Variants in NBEAL1 observed in about 807,000 individuals in gnomAD.
The protein encoded by NBEAL1 is neurobeachin like 1.
A neutral mutation model predicts 351.3 loss-of-function variants in NBEAL1; 273 were observed. The observed-to-expected ratio is 0.78, with a 90% CI of 0.70 to 0.86. The LOEUF is 0.86. Ranked by LOEUF, NBEAL1 falls within the 40% of genes least tolerant of loss-of-function variation. NBEAL1 has a pLI of 0.00. For missense variants in NBEAL1, 2,961 were observed against 3,201.3 expected, an observed-to-expected ratio of 0.92 and a Z score of 1.81; for synonymous variants, 1,050 against 1,086.4, an observed-to-expected ratio of 0.97 and a Z score of 0.66.
At chr2:203,033,541 A>G (rs1385030712) in intron 2 of NBEAL1, among the ~76,000 whole-genome samples, 1 of 152,210 alleles carries the variant, frequency 6.6e-6, no homozygotes, top group East Asian at 1.9e-4. Flanking sequence ...TTCTTCTGCA[A>G]ATCTTTCTAG....
At chr2:203,015,609 C>A (rs1032040725) in intron 1 of NBEAL1, among the ~76,000 whole-genome samples, 1 of 151,976 alleles carries the variant, frequency 6.6e-6, no homozygotes, top group Non-Finnish European at 1.5e-5. Context: ...TACAGGTGCC[C>A]GCCACCACGC....
intron 4 of NBEAL1, among the ~76,000 whole-genome samples, chr2:203,051,330 G>A (rs2061319848): frequency 6.6e-6 from 1 of 152,060 alleles, no homozygotes; most frequent in African/African-American, 2.4e-5. Context: ...ATCGCTTGAG[G>A]TCAGGAGTTT....
At chr2:203,128,004 G>C in intron 24 of NBEAL1, 67 bp downstream of exon 24, 1 of 1,171,656 alleles carries the variant, frequency 8.5e-7, no homozygotes, top group Non-Finnish European at 1.2e-6. Flanking sequence ...TCTTCTGAAC[G>C]TATGTTTGTG....
chr2:203,201,457 C>A (rs1175261457), intron 49 of NBEAL1, 86 bp from the exon 50 acceptor site: 2 of 1,167,088 alleles, frequency 1.7e-6, no homozygotes, highest in African/African-American at 3.1e-5. Context: ...TTTTTTATTT[C>A]TTTTTTAGAG....
At chr2:203,041,885 T>C in intron 3 of NBEAL1, 29 bp downstream of exon 3, 2 of 1,437,224 alleles carry the variant, frequency 1.4e-6, no homozygotes, top group Non-Finnish European at 1.9e-6. Context: ...TTGTAACCCC[T>C]GGATGAGTTT....
intron 35 of NBEAL1, among the ~76,000 whole-genome samples, chr2:203,154,256 C>T (rs891682020): frequency 6.6e-6 from 1 of 150,670 alleles, no homozygotes; most frequent in African/African-American, 2.4e-5. Context: ...AAAAAAATTA[C>T]TCCAAGTGTA....
intron 29 of NBEAL1, 61 bp downstream of exon 29, chr2:203,136,835 C>A: frequency 7.2e-7 from 1 of 1,398,204 alleles, no homozygotes; most frequent in Non-Finnish European, 9.9e-7. Context: ...TCTAAAATAA[C>A]GTTAGTTATT....
Position 203,031,686 on chromosome 2 carries a change from A to G in NBEAL1, c.52-10079A>G, listed in dbSNP as rs553909394. 5.9e-5 allele frequency among the ~76,000 whole-genome samples: 9 copies of G among 152,346 alleles called. No homozygotes were observed. The South Asian group carries it at 1.9e-3, about 32-fold the overall frequency. ...GGCAGTTTTGAAAAAGAAATAGACT[A>G]TCTTGAAATGGGGGAAAAATTGGAA... On this transcript the variant is annotated intron_variant, in intron 2 of 55. Transcript: ENST00000683969.
rs190827076 is a variant in NBEAL1, at chr2:203,056,028, A to T, written c.306-399A>T. Among the ~76,000 whole-genome samples, 8 of 152,374 alleles carry T rather than the reference A, an allele frequency of 5.3e-5. No individual in the cohort carries two copies. The East Asian group carries it at 1.5e-3, about 29-fold the overall frequency. On this transcript the variant is annotated intron_variant, in intron 4 of 55. Transcript: ENST00000683969. ...GTGCACATGTTATAATGAAAACAGT[A>T]TGTACAAAAAAGAAAACTAAGAATC...
intron 17 of NBEAL1, 72 bp downstream of exon 17, chr2:203,113,390 T>G: frequency 1.3e-6 from 1 of 794,250 alleles, no homozygotes; most frequent in Non-Finnish European, 1.7e-6. Context: ...TTCTGAAGAA[T>G]ATATTTAGAA....
intron 24 of NBEAL1, among the ~76,000 whole-genome samples, chr2:203,129,138 G>A (rs2106292179): frequency 6.6e-6 from 1 of 152,224 alleles, no homozygotes; most frequent in African/African-American, 2.4e-5. Flanking sequence ...GGTAAAATTT[G>A]AGAACCACTG....
At chr2:203,088,938 G>T (rs1029144732) in intron 10 of NBEAL1, among the ~76,000 whole-genome samples, 2 of 152,172 alleles carry the variant, frequency 1.3e-5, no homozygotes, top group African/African-American at 4.8e-5. Context: ...ATGTGTGTGG[G>T]TGTATAGGTT....
chr2:203,127,936 A>G lies in NBEAL1; in HGVS notation c.3404A>G (p.Gln1135Arg), dbSNP rs752159057. 7.8e-6 allele frequency: 12 copies of G among 1,546,930 alleles called. No individual in the cohort carries two copies. Among genetic ancestry groups the G allele is most frequent in the Non-Finnish European group, 1.0e-5 (12 of 1,143,370 alleles). Residue 1135 changes from glutamine (Q) to arginine (R), a missense_variant and splice_region_variant, in exon 24 of 56, where the codon CAG (glutamine) becomes CGG (arginine). By Grantham distance (43) the Gln-to-Arg change is conservative. Transcript: ENST00000683969. ...ATAGCTGCTACTAATGAAGAAGAAC[A>G]GGTATTATGCCTAAGATACATCTAC... is the stretch of plus-strand genomic sequence containing the variant. Reference protein sequence around the residue: ...GYIAATNEEEQLFGILDVLFS... With the variant: ...GYIAATNEEERLFGILDVLFS...
At chr2:203,021,526 T>C (rs1357678492) in intron 2 of NBEAL1, among the ~76,000 whole-genome samples, 1 of 151,460 alleles carries the variant, frequency 6.6e-6, no homozygotes, top group Non-Finnish European at 1.5e-5. Context: ...ACCCGGGAAG[T>C]GTAGGTTGCA....
intron 48 of NBEAL1, among the ~76,000 whole-genome samples, chr2:203,198,679 T>C (rs1423017784): frequency 1.3e-5 from 2 of 151,068 alleles, no homozygotes; most frequent in East Asian, 2.0e-4. Flanking sequence ...CTGGGCAACA[T>C]GGCAAAACCC....
chr2:203,145,032 T>C lies in NBEAL1; in HGVS notation c.5176T>C (p.Tyr1726His). The C allele has an allele frequency of 6.2e-7, 1 of 1,604,886 alleles. No homozygotes were observed. Residue 1726 changes from tyrosine (Y) to histidine (H), a missense_variant, in exon 33 of 56, where the codon TAT becomes CAT. Tyr to His is a moderately conservative substitution (Grantham distance 83). Coordinates refer to ENST00000683969, the MANE Select transcript of NBEAL1 (RefSeq NM_001378026.1). ...EKYIVPYMKQ[Y>H]EAHTFYDGHE... is the part of the protein sequence containing the mutation. ...TAAGATTGTACCTTATATGAAGCAG[T>C]ATGAAGCTCATACATTTTACGATGG...
chr2:203,136,562 C>T (rs1417619272), intron 28 of NBEAL1, 37 bp from the exon 29 acceptor site: 30 of 1,426,806 alleles, frequency 2.1e-5, no homozygotes, highest in Non-Finnish European at 2.8e-5. Flanking sequence ...ACAACTACAC[C>T]CTCTAGTTAT....
rs370680548 is a variant in NBEAL1, at chr2:203,148,959, T to A, written c.5305-32T>A. The A allele has an allele frequency of 3.2e-6, 5 of 1,577,524 alleles. No homozygotes were observed. In the African/African-American group the frequency reaches 6.8e-5, roughly 21 times the overall value. ...GTAAATATACCTGTAAATATATGAG[T>A]CAATGACCTTACTTTTTATTGTTTC... is the stretch of plus-strand genomic sequence containing the variant. On this transcript the variant is annotated intron_variant, in intron 33 of 55. Coordinates refer to ENST00000683969, the MANE Select transcript of NBEAL1 (RefSeq NM_001378026.1).
At chr2:203,081,063 A>G (rs573915337) in intron 8 of NBEAL1, among the ~76,000 whole-genome samples, 12 of 152,218 alleles carry the variant, frequency 7.9e-5, no homozygotes, top group African/African-American at 2.9e-4. Context: ...TTTATGTACC[A>G]AAAATCCTTG....
Sources: gnomAD v4.1 joint callset for allele counts (sites outside exome capture counted in the v4.1 genomes callset) on GRCh38, gnomAD v4.1.1 for gene constraint, MANE v1.5 for transcripts, NCBI Gene and HGNC (gene_info 2026-07-23, HGNC 2026-07-21) for gene names.